The following FERRY3 variants were observed in gnomAD, a reference collection of about 807,000 sequenced individuals.
FERRY3 encodes the protein protein C12orf4.
chr12:4,531,508 A>T, the FERRY3 span, among the ~76,000 whole-genome samples: 1 of 152,330 alleles, frequency 6.6e-6, no homozygotes, highest in East Asian at 1.9e-4. Context: ...CTACGTGAGA[A>T]GAACTAAGCA....
the FERRY3 span, chr12:4,525,071 G>GC: frequency 3.1e-6 from 2 of 643,276 alleles, no homozygotes; most frequent in Admixed American, 3.3e-5. Flanking sequence ...AATAACCATT[G>GC]CCCCCCAAAT....
At chr12:4,510,745 G>C in the FERRY3 span, among the ~76,000 whole-genome samples, 12 of 146,570 alleles carry the variant, frequency 8.2e-5, no homozygotes, top group African/African-American at 2.6e-4. Flanking sequence ...CCTGAAGGAA[G>C]CGCTAAACAT....
chr12:4,492,963 C>T, the FERRY3 span, among the ~76,000 whole-genome samples: 7 of 152,114 alleles, frequency 4.6e-5, no homozygotes, highest in Non-Finnish European at 4.4e-5. Flanking sequence ...TCACATTTGC[C>T]TAAACATGGT....
the FERRY3 span, among the ~76,000 whole-genome samples, chr12:4,515,206 T>C: frequency 1.3e-5 from 2 of 152,346 alleles, no homozygotes; most frequent in Middle Eastern, 6.8e-3. Context: ...TATGTGTAGA[T>C]AGAAAGCTTC....
the FERRY3 span, chr12:4,500,041 A>C: frequency 9.1e-6 from 11 of 1,211,442 alleles, no homozygotes; most frequent in African/African-American, 1.2e-4. Context: ...CCATTAGTTT[A>C]AAAAAATGTA....
the FERRY3 span, among the ~76,000 whole-genome samples, chr12:4,523,523 G>A: frequency 3.9e-5 from 6 of 152,098 alleles, no homozygotes; most frequent in African/African-American, 7.2e-5. Flanking sequence ...CGTTTATTGC[G>A]GCACTATTCA....
At chr12:4,521,314 G>A in the FERRY3 span, among the ~76,000 whole-genome samples, 54 of 152,186 alleles carry the variant, frequency 3.5e-4, 1 homozygote, top group East Asian at 8.5e-3. Context: ...AGCCAAGATC[G>A]CGGCATTGTA....
the FERRY3 span, chr12:4,525,478 A>C: frequency 6.2e-7 from 1 of 1,609,368 alleles, no homozygotes; most frequent in Non-Finnish European, 8.5e-7. Context: ...ACTGTATTTC[A>C]CTTACTTGCT....
the FERRY3 span, among the ~76,000 whole-genome samples, chr12:4,516,481 T>C: frequency 1.3e-5 from 2 of 152,136 alleles, no homozygotes; most frequent in Non-Finnish European, 2.9e-5. Context: ...CCATCAATGA[T>C]AGACTGGATA....
the FERRY3 span, chr12:4,518,227 C>T: frequency 6.2e-7 from 1 of 1,614,060 alleles, no homozygotes; most frequent in Non-Finnish European, 8.5e-7. Flanking sequence ...TCAGCAATCT[C>T]AAATTATGCA....
At chr12:4,528,241 A>C in the FERRY3 span, among the ~76,000 whole-genome samples, 1 of 152,158 alleles carries the variant, frequency 6.6e-6, no homozygotes, top group African/African-American at 2.4e-5. Flanking sequence ...CTTGAAGGTT[A>C]TATTATTTGA....
At chr12:4,518,918 G>A in the FERRY3 span, 1 of 1,357,598 alleles carries the variant, frequency 7.4e-7, no homozygotes, top group African/African-American at 1.5e-5. Context: ...TTTTATGTTT[G>A]TCAAAAACTT....
At chr12:4,500,295 AC>A in the FERRY3 span, 1 of 1,614,158 alleles carries the variant, frequency 6.2e-7, no homozygotes, top group Admixed American at 1.7e-5. Flanking sequence ...ATGGAAAGCA[AC>A]ATGGATTTCT....
the FERRY3 span, chr12:4,517,285 C>G: frequency 3.4e-6 from 4 of 1,162,380 alleles, no homozygotes; most frequent in Non-Finnish European, 4.5e-6. Context: ...GAAAATAATA[C>G]TTATTTTTCT....
chr12:4,506,799 T>C, the FERRY3 span, among the ~76,000 whole-genome samples: 1 of 152,128 alleles, frequency 6.6e-6, no homozygotes. Flanking sequence ...GATGTTAATA[T>C]AACAACCATA....
chr12:4,506,050 G>A, the FERRY3 span, among the ~76,000 whole-genome samples: 1 of 151,728 alleles, frequency 6.6e-6, no homozygotes, highest in Non-Finnish European at 1.5e-5. Context: ...TTTCTTAGAA[G>A]AATAAATAAA....
chr12:4,507,329 C>G, the FERRY3 span, among the ~76,000 whole-genome samples: 1 of 151,932 alleles, frequency 6.6e-6, no homozygotes, highest in African/African-American at 2.4e-5. Context: ...GAGGGTATAC[C>G]GAGATTTTCT....
At chr12:4,499,507 G>C in the FERRY3 span, among the ~76,000 whole-genome samples, 1 of 152,160 alleles carries the variant, frequency 6.6e-6, no homozygotes, top group Non-Finnish European at 1.5e-5. Flanking sequence ...TTCTATGTGG[G>C]TGAAGGAAGA....
chr12:4,504,412 C>G, the FERRY3 span, among the ~76,000 whole-genome samples: 1 of 152,050 alleles, frequency 6.6e-6, no homozygotes, highest in South Asian at 2.1e-4. Context: ...CACTAAGGGT[C>G]ATCAGAGTGA....
Sources: allele counts gnomAD v4.1 joint callset (sites outside exome capture counted in the v4.1 genomes callset), GRCh38; gene constraint gnomAD v4.1.1; transcripts MANE v1.5; gene names NCBI Gene and HGNC (gene_info 2026-07-23, HGNC 2026-07-21).